NXPE3: variants seen among roughly 807,000 people sequenced by gnomAD.
NXPE3 encodes neurexophilin and PC-esterase domain family member 3, also known as NXPE family member 3.
Under a neutral mutation model 46.1 loss-of-function variants are expected in NXPE3, and 26 were observed. That is an observed-to-expected ratio of 0.56 (90% CI 0.41 to 0.78). The LOEUF (loss-of-function observed/expected upper bound fraction) is 0.78. Ranked by LOEUF, NXPE3 falls within the 30% of genes least tolerant of loss-of-function variation. NXPE3 has a pLI of 0.00. For synonymous variants in NXPE3, 272 were observed against 257.9 expected (o/e 1.05, Z -0.52); for missense variants, 620 against 686.0 (o/e 0.90, Z 1.07).
intron 5 of NXPE3, 145 bp downstream of exon 5, chr3:101,802,134 A>G: frequency 1.5e-6 from 1 of 687,210 alleles, no homozygotes; most frequent in Non-Finnish European, 2.3e-6. Flanking sequence ...GAATAAAAAA[A>G]AAAACATAGA....
intron 4 of NXPE3, among the ~76,000 whole-genome samples, chr3:101,799,385 G>T (rs1941014559): frequency 6.6e-6 from 1 of 151,892 alleles, no homozygotes; most frequent in Non-Finnish European, 1.5e-5. Flanking sequence ...TTAACTTCCT[G>T]CTCTAAGTGA....
intron 4 of NXPE3, among the ~76,000 whole-genome samples, chr3:101,786,659 C>T (rs955569982): frequency 1.3e-5 from 2 of 152,146 alleles, no homozygotes; most frequent in Non-Finnish European, 2.9e-5. Flanking sequence ...TTAAACTGTT[C>T]TTGTGTGTTT....
intron 6 of NXPE3, among the ~76,000 whole-genome samples, chr3:101,815,718 G>A (rs893648099): frequency 1.3e-5 from 2 of 152,174 alleles, no homozygotes; most frequent in East Asian, 1.9e-4. Flanking sequence ...GCAAAAATTG[G>A]CCAGGCGTGG....
At chr3:101,797,630 T>C (rs1940910427) in intron 4 of NXPE3, among the ~76,000 whole-genome samples, 1 of 100,202 alleles carries the variant, frequency 1.0e-5, no homozygotes, top group Non-Finnish European at 2.0e-5. Flanking sequence ...TGTGTCCATG[T>C]GATCTCATTG....
intron 3 of NXPE3, among the ~76,000 whole-genome samples, chr3:101,783,917 G>A (rs1209940688): frequency 6.6e-6 from 1 of 152,192 alleles, no homozygotes; most frequent in Non-Finnish European, 1.5e-5. Flanking sequence ...ATTGGAGAGA[G>A]GAGGTGTCAG....
At chr3:101,797,197 G>A (rs932231965) in intron 4 of NXPE3, among the ~76,000 whole-genome samples, 4 of 152,126 alleles carry the variant, frequency 2.6e-5, no homozygotes, top group African/African-American at 9.7e-5. Context: ...AGTGAATGTA[G>A]TTGCTTATTT....
At chr3:101,812,951 A>G (rs1941790206) in intron 6 of NXPE3, among the ~76,000 whole-genome samples, 1 of 151,200 alleles carries the variant, frequency 6.6e-6, no homozygotes, top group Non-Finnish European at 1.5e-5. Context: ...CAGAGGTTTT[A>G]GGGGACTAAA....
chr3:101,784,930 T>C (rs1940063832), intron 3 of NXPE3, among the ~76,000 whole-genome samples: 1 of 152,110 alleles, frequency 6.6e-6, no homozygotes, highest in Admixed American at 6.5e-5. Flanking sequence ...GGGGTAGCAC[T>C]TCTTGTTTGC....
At position 101,822,278 on chromosome 3, in the gene NXPE3, A is replaced by T. The variant is rs1942293210; in HGVS notation, c.*324A>T. 4.1e-6 allele frequency: 1 copy of T among 244,340 alleles called. No homozygotes were observed. The highest frequency in any genetic ancestry group is 8.0e-6 in the Non-Finnish European group (1 of 124,330). 15.1% of individuals were successfully genotyped at this position (244,340 alleles called of 1,614,324 possible). ...AGGGGTGACTACTTTGCTAAAGAGTATGAAAAATGTTTTGATGGAAGGGAC... is the reference window on the plus strand; with the variant it reads ...AGGGGTGACTACTTTGCTAAAGAGTTTGAAAAATGTTTTGATGGAAGGGAC... On this transcript the variant is annotated 3_prime_UTR_variant, in exon 8 of 8. Transcript: ENST00000273347.
chr3:101,785,818 A>G (rs1481521164), intron 4 of NXPE3, 129 bp downstream of exon 4: 7 of 744,108 alleles, frequency 9.4e-6, no homozygotes, highest in Non-Finnish European at 1.7e-5. Flanking sequence ...TTTATTCGGT[A>G]AGTATTTGCG....
intron 6 of NXPE3, among the ~76,000 whole-genome samples, chr3:101,809,870 T>C (rs191696959): frequency 1.3e-5 from 2 of 152,320 alleles, no homozygotes; most frequent in Admixed American, 6.5e-5. Context: ...CCACAAGATA[T>C]TTGAGGCTTG....
chr3:101,795,411 G>T (rs1468423288), intron 4 of NXPE3, among the ~76,000 whole-genome samples: 1 of 151,874 alleles, frequency 6.6e-6, no homozygotes, highest in African/African-American at 2.4e-5. Context: ...CTAGCTACTC[G>T]GGAGGCTGAG....
chr3:101,804,445 A>G (rs184328352), intron 5 of NXPE3, among the ~76,000 whole-genome samples: 1 of 152,246 alleles, frequency 6.6e-6, no homozygotes, highest in African/African-American at 2.4e-5. Flanking sequence ...GTTTGCTGAG[A>G]AAACAATGTC....
At chr3:101,810,764 C>T (rs1240267651) in intron 6 of NXPE3, among the ~76,000 whole-genome samples, 1 of 152,138 alleles carries the variant, frequency 6.6e-6, no homozygotes. Context: ...ATGGGAAACT[C>T]AGTCTTACAA....
intron 7 of NXPE3, among the ~76,000 whole-genome samples, chr3:101,818,714 TTTATA>T (rs1293728467): frequency 4.0e-5 from 1 of 25,020 alleles, no homozygotes; most frequent in Middle Eastern, 8.3e-3. Context: ...TATATGACAA[TTTATA>T]TATATATATA....
intron 4 of NXPE3, among the ~76,000 whole-genome samples, chr3:101,796,039 G>C (rs1186895189): frequency 1.3e-5 from 2 of 152,190 alleles, no homozygotes; most frequent in Non-Finnish European, 2.9e-5. Flanking sequence ...AGGGGAATTA[G>C]TGGTGCCTGG....
intron 6 of NXPE3, among the ~76,000 whole-genome samples, chr3:101,812,174 A>T (rs1560061009): frequency 6.6e-6 from 1 of 152,242 alleles, no homozygotes; most frequent in Non-Finnish European, 1.5e-5. Context: ...AAAATGGCAG[A>T]TAAATGTTAT....
intron 1 of NXPE3, 62 bp from the exon 2 acceptor site, chr3:101,782,048 T>G (rs1008911362): frequency 6.6e-6 from 1 of 152,166 alleles, no homozygotes; most frequent in Non-Finnish European, 1.5e-5. Flanking sequence ...ATTTCTAATG[T>G]TTTTCTTTAC....
intron 4 of NXPE3, among the ~76,000 whole-genome samples, chr3:101,796,708 C>G (rs1298433995): frequency 1.3e-5 from 2 of 152,102 alleles, no homozygotes; most frequent in South Asian, 4.1e-4. Context: ...GCCATATACT[C>G]CTTTAAAATG....
Sources: allele counts gnomAD v4.1 joint callset (sites outside exome capture counted in the v4.1 genomes callset), GRCh38; gene constraint gnomAD v4.1.1; transcripts MANE v1.5; gene names NCBI Gene and HGNC (gene_info 2026-07-23, HGNC 2026-07-21).